DNMBP: variants seen among roughly 807,000 people sequenced by gnomAD.
DNMBP encodes dynamin-binding protein.
Under a neutral mutation model 150.0 loss-of-function variants are expected in DNMBP, and 87 were observed. That is an observed-to-expected ratio of 0.58 (90% confidence interval 0.49 to 0.69). The LOEUF (loss-of-function observed/expected upper bound fraction) is 0.69. Ranked by LOEUF, DNMBP falls within the 30% of genes least tolerant of loss-of-function variation. The pLI is 0.00. For synonymous variants in DNMBP, 711 were observed against 750.4 expected, an observed-to-expected ratio of 0.95 and a Z score of 0.86; for missense variants, 1,774 against 1,949.0, an observed-to-expected ratio of 0.91 and a Z score of 1.69.
chr10:99,880,080 A>C lies in DNMBP; in HGVS notation c.4279T>G (p.Ser1427Ala). Residue 1427 changes from serine to alanine, a missense_variant, in exon 16 of 17, where the codon TCA becomes GCA. Ser to Ala is a moderately conservative substitution (Grantham distance 99, BLOSUM62 1). This residue lies in a region of DNMBP where 1,430 missense variants were observed against 1,492.5 expected (regional missense o/e 0.96). Transcript: ENST00000324109. The part of the protein sequence containing the change: ...TLSASLNPSN[S>A]ESSPSRCPSD... ...GGGCATCTGGAAGGACTACTCTCTG[A>C]ATTACTCGGATTTAGGGATGCACTG... The C allele has an allele frequency of 1.9e-6, 3 of 1,614,142 alleles. No homozygotes were observed. The highest frequency in any genetic ancestry group is 2.5e-6 in the Non-Finnish European group (3 of 1,180,018).
At chr10:99,970,816 C>T (rs2040665444) in intron 2 of DNMBP, among the ~76,000 whole-genome samples, 1 of 150,866 alleles carries the variant, frequency 6.6e-6, no homozygotes, top group Admixed American at 6.6e-5. Context: ...ACTAAAAATA[C>T]AAAAAATTAG....
chr10:99,937,899 G>C (rs1304092513), intron 4 of DNMBP, among the ~76,000 whole-genome samples: 1 of 152,240 alleles, frequency 6.6e-6, no homozygotes, highest in African/African-American at 2.4e-5. Flanking sequence ...CAGAGCAACA[G>C]TGTAACAGAG....
At chr10:99,929,542 C>A (rs1038581035) in intron 4 of DNMBP, 1 of 604,864 alleles carries the variant, frequency 1.7e-6, no homozygotes, top group African/African-American at 1.9e-5. Context: ...GCTCCTAGTA[C>A]CTGGTATAAC....
intron 9 of DNMBP, 153 bp from the exon 10 acceptor site, chr10:99,896,550 G>T: frequency 1.3e-6 from 1 of 750,874 alleles, no homozygotes; most frequent in South Asian, 1.8e-5. Context: ...GGACAGACAT[G>T]ATATCTGAAG....
intron 5 of DNMBP, among the ~76,000 whole-genome samples, chr10:99,908,577 G>C (rs2039855123): frequency 6.6e-6 from 1 of 152,118 alleles, no homozygotes; most frequent in African/African-American, 2.4e-5. Flanking sequence ...GGGTTTCCTG[G>C]ATAAACTCTA....
rs1564712060 is a variant in DNMBP at position 99,879,872 on chromosome 10, GTTC to G, written c.4484_4486del (p.Arg1495del). 6.2e-7 allele frequency: 1 copy of G among 1,614,222 alleles called. No homozygotes were observed. The highest frequency in any genetic ancestry group is 1.1e-5 in the South Asian group (1 of 91,082). ...ACTTCTGTCTTCCGGAGCCTGGGCT[GTTC>G]TTGCACATCCTTTGACGAGGTCTTG... On this transcript the variant is annotated inframe_deletion, in exon 16 of 17. Coordinates refer to ENST00000324109, the MANE Select transcript of DNMBP (RefSeq NM_015221.4).
At chr10:99,933,127 C>T (rs1402806863) in intron 4 of DNMBP, among the ~76,000 whole-genome samples, 2 of 151,238 alleles carry the variant, frequency 1.3e-5, no homozygotes, top group Non-Finnish European at 2.9e-5. Context: ...GACCCCATCT[C>T]CACAATAACA....
At chr10:99,990,688 T>C (rs559733879) in intron 1 of DNMBP, among the ~76,000 whole-genome samples, 1 of 150,562 alleles carries the variant, frequency 6.6e-6, no homozygotes, top group South Asian at 2.1e-4. Context: ...TATACACACA[T>C]ATATATACAC....
intron 11 of DNMBP, among the ~76,000 whole-genome samples, chr10:99,890,505 C>CT (rs2133209251): frequency 6.6e-6 from 1 of 152,268 alleles, no homozygotes; most frequent in South Asian, 2.1e-4. Context: ...CTTTTAAGGG[C>CT]TGAGGGCTCA....
Position 99,896,343 on chromosome 10 carries a change from A to G in DNMBP, c.2975T>C (p.Leu992Pro). 6.2e-7 allele frequency: 1 copy of G among 1,614,192 alleles called. No individual in the cohort carries two copies. ...EDSLMEKISK[L>P]NIHSIIKKSN... ...TTTCTTGATGATGGAGTGGATGTTC[A>G]GTTTGGAAATTTTCTCCATAAGGCT... The change falls in exon 10 of 17, where the codon CTG (leucine) becomes CCG (proline). Residue 992 changes from leucine (L) to proline (P), a missense_variant. This residue lies in a region of DNMBP where 1,430 missense variants were observed against 1,492.5 expected (regional missense o/e 0.96). Transcript: ENST00000324109.
chr10:99,984,379 T>C (rs1006857517), intron 1 of DNMBP, among the ~76,000 whole-genome samples: 2 of 152,188 alleles, frequency 1.3e-5, no homozygotes, highest in African/African-American at 4.8e-5. Flanking sequence ...ACTGGACATG[T>C]CAGAGCTAAG....
chr10:99,972,420 C>A (rs1405408486), intron 1 of DNMBP, among the ~76,000 whole-genome samples: 2 of 151,910 alleles, frequency 1.3e-5, no homozygotes, highest in Non-Finnish European at 2.9e-5. Context: ...CAGGCATGTG[C>A]CACCATGTCC....
intron 8 of DNMBP, 161 bp from the exon 9 acceptor site, chr10:99,898,446 A>T (rs2039691558): frequency 7.0e-6 from 5 of 712,500 alleles, no homozygotes; most frequent in Non-Finnish European, 1.2e-5. Flanking sequence ...CTATTCTTTT[A>T]CCCTACTTTC....
chr10:99,905,389 G>A (rs1299005258), intron 6 of DNMBP, among the ~76,000 whole-genome samples: 2 of 152,206 alleles, frequency 1.3e-5, no homozygotes, highest in African/African-American at 4.8e-5. Context: ...TACTAGCCAT[G>A]TGACCTGGGC....
chr10:99,955,182 A>C, intron 4 of DNMBP, 32 bp downstream of exon 4: 1 of 1,576,342 alleles, frequency 6.3e-7, no homozygotes, highest in Non-Finnish European at 8.6e-7. Flanking sequence ...GAGTGTCAAG[A>C]AACAATTACA....
chr10:99,926,809 A>G (rs1193817204), intron 4 of DNMBP, among the ~76,000 whole-genome samples: 1 of 152,228 alleles, frequency 6.6e-6, no homozygotes, highest in Non-Finnish European at 1.5e-5. Flanking sequence ...AGAAGAGCCC[A>G]GCAGATAGAT....
intron 15 of DNMBP, among the ~76,000 whole-genome samples, chr10:99,881,228 CA>C (rs371990529): frequency 1.3e-5 from 2 of 150,696 alleles, no homozygotes; most frequent in Non-Finnish European, 3.0e-5. Flanking sequence ...AACTCCGTCT[CA>C]AAAAAAAAGC....
At chr10:99,929,594 G>A (rs1219940253) in intron 4 of DNMBP, 1 of 649,610 alleles carries the variant, frequency 1.5e-6, no homozygotes, top group South Asian at 1.7e-5. Flanking sequence ...TAAGAAGGCT[G>A]GCTGAGTTCA....
chr10:99,929,965 C>A (rs1161056699), intron 4 of DNMBP: 1 of 702,690 alleles, frequency 1.4e-6, no homozygotes, highest in African/African-American at 1.7e-5. Context: ...GCATCATAGC[C>A]TTTATTTTCT....
Sources: allele counts gnomAD v4.1 joint callset (sites outside exome capture counted in the v4.1 genomes callset), GRCh38; gene constraint gnomAD v4.1.1; regional missense constraint gnomAD v4.1.1; transcripts MANE v1.5; gene names NCBI Gene and HGNC (gene_info 2026-07-23, HGNC 2026-07-21).